The following DAB1 variants were observed in gnomAD, a reference collection of about 807,000 sequenced individuals.
The protein encoded by DAB1 is disabled homolog 1.
DAB1 carries 15 observed loss-of-function variants against 64.6 expected under a neutral mutation model. The ratio of observed to expected loss-of-function variants is 0.23; its 90% confidence interval spans 0.16 to 0.36. The LOEUF (loss-of-function observed/expected upper bound fraction) is 0.36. Among genes scored for constraint, DAB1 ranks in the 10% least tolerant of loss-of-function variants. DAB1 has a pLI of 1.00. For synonymous variants in DAB1, 235 were observed against 251.9 expected (o/e 0.93, Z 0.64); for missense variants, 596 against 706.7 (o/e 0.84, Z 1.78).
chr1:57,937,998 T>C (rs1051073271), intron 5 of DAB1, among the ~76,000 whole-genome samples: 2 of 152,214 alleles, frequency 1.3e-5, no homozygotes, highest in African/African-American at 2.4e-5. Context: ...GATGCCCTCA[T>C]AGTGAGGCCA....
chr1:58,338,631 A>G (rs918426096), intron 4 of DAB1, among the ~76,000 whole-genome samples: 1 of 152,186 alleles, frequency 6.6e-6, no homozygotes, highest in Non-Finnish European at 1.5e-5. Context: ...TTGCCCTTGT[A>G]GAGTTCATGG....
At chr1:58,118,238 T>G (rs1322382155) in intron 5 of DAB1, among the ~76,000 whole-genome samples, 1 of 150,936 alleles carries the variant, frequency 6.6e-6, no homozygotes, top group Non-Finnish European at 1.5e-5. Context: ...TCTAGGTCAG[T>G]GTTCTCAGAC....
At chr1:57,476,623 C>T (rs1184593161) in intron 7 of DAB1, among the ~76,000 whole-genome samples, 1 of 152,176 alleles carries the variant, frequency 6.6e-6, no homozygotes, top group Non-Finnish European at 1.5e-5. Flanking sequence ...CAGCGTGCTG[C>T]ACATATAAGT....
At chr1:57,217,135 C>T (rs1449180831) in intron 2 of DAB1, among the ~76,000 whole-genome samples, 1 of 152,156 alleles carries the variant, frequency 6.6e-6, no homozygotes. Flanking sequence ...AAAGAACTGC[C>T]TAAGAAAATA....
chr1:57,194,072 C>A (rs1664408202), intron 2 of DAB1, among the ~76,000 whole-genome samples: 1 of 152,228 alleles, frequency 6.6e-6, no homozygotes, highest in Non-Finnish European at 1.5e-5. Context: ...TATCTGGGAA[C>A]AAGAGCAGGG....
intron 1 of DAB1, among the ~76,000 whole-genome samples, chr1:58,538,524 A>T (rs1190021623): frequency 6.6e-6 from 1 of 152,186 alleles, no homozygotes; most frequent in Non-Finnish European, 1.5e-5. Flanking sequence ...AAATGTAAGA[A>T]TAACTTTTTA....
chr1:57,159,351 C>T (rs1356473352), intron 2 of DAB1, among the ~76,000 whole-genome samples: 1 of 152,162 alleles, frequency 6.6e-6, no homozygotes. Context: ...TTTCTAGTTT[C>T]TCTGAGGAAA....
At chr1:58,435,798 C>T (rs1283411519) in intron 3 of DAB1, among the ~76,000 whole-genome samples, 1 of 152,218 alleles carries the variant, frequency 6.6e-6, no homozygotes, top group African/African-American at 2.4e-5. Context: ...AGGCTTAACT[C>T]AGTTAAACTG....
intron 7 of DAB1, among the ~76,000 whole-genome samples, chr1:57,578,262 G>A (rs932131614): frequency 3.9e-5 from 6 of 152,156 alleles, no homozygotes; most frequent in Admixed American, 2.0e-4. Flanking sequence ...CTGGTACCAG[G>A]CTTCTTTGGC....
intron 1 of DAB1, among the ~76,000 whole-genome samples, chr1:57,390,391 T>C (rs1682249252): frequency 6.6e-6 from 1 of 152,226 alleles, no homozygotes; most frequent in Non-Finnish European, 1.5e-5. Context: ...AGATAATGTC[T>C]ACGAAAATAT....
chr1:58,118,550 C>CATATATATAAAATACATATATATACACAT (rs1652519718), intron 5 of DAB1, among the ~76,000 whole-genome samples: 1 of 80,384 alleles, frequency 1.2e-5, no homozygotes, highest in African/African-American at 5.6e-5. Flanking sequence ...CATATATATA[C>CATATATATAAAATACATATATATACACAT]ATATATATAA....
intron 1 of DAB1, among the ~76,000 whole-genome samples, chr1:57,312,561 T>G (rs1570246948): frequency 6.6e-6 from 1 of 152,340 alleles, no homozygotes; most frequent in Middle Eastern, 3.4e-3. Flanking sequence ...AAGTGTCACA[T>G]CATAAGTGAA....
At chr1:57,121,717 T>C (rs1181180254) in intron 4 of DAB1, among the ~76,000 whole-genome samples, 1 of 152,054 alleles carries the variant, frequency 6.6e-6, no homozygotes, top group Non-Finnish European at 1.5e-5. Flanking sequence ...CTTTAATCCA[T>C]CTTGAGTTAA....
chr1:57,145,728 G>A (rs558192538), intron 2 of DAB1, among the ~76,000 whole-genome samples: 35 of 152,200 alleles, frequency 2.3e-4, no homozygotes, highest in Non-Finnish European at 4.7e-4. Context: ...TATGTGTGAA[G>A]CATCTAATTC....
intron 5 of DAB1, among the ~76,000 whole-genome samples, chr1:58,052,218 T>A (rs1190665265): frequency 6.6e-6 from 1 of 152,246 alleles, no homozygotes; most frequent in Non-Finnish European, 1.5e-5. Context: ...AATTAATTTT[T>A]GTATAAGAGG....
chr1:57,732,781 G>A lies in DAB1; in HGVS notation n.552-83116C>T, dbSNP rs146127932. On this transcript the variant is annotated intron_variant and non_coding_transcript_variant, in intron 6 of 20. Transcript: ENST00000485760. ...CTCCCTCATGGTGCGTCGAACAGGA[G>A]AGAGGAGAGACTGGTCCTGGGTCAA... 2.3e-3 allele frequency among the ~76,000 whole-genome samples: 343 copies of A among 152,306 alleles called. 3 individuals are homozygous for A. Among genetic ancestry groups the A allele is most frequent in the African/African-American group, 8.0e-3 (331 of 41,580 alleles).
intron 2 of DAB1, among the ~76,000 whole-genome samples, chr1:57,170,099 C>T (rs1013649947): frequency 1.3e-5 from 2 of 151,646 alleles, no homozygotes; most frequent in Non-Finnish European, 2.9e-5. Context: ...CAGGTTCAAG[C>T]GATTCTCCTG....
intron 4 of DAB1, among the ~76,000 whole-genome samples, chr1:57,122,027 A>G (rs918120785): frequency 1.3e-5 from 2 of 152,088 alleles, no homozygotes; most frequent in Non-Finnish European, 2.9e-5. Context: ...GTGTCTCTGT[A>G]TTATATCTCT....
At chr1:58,149,034 T>C (rs1340170975) in intron 5 of DAB1, among the ~76,000 whole-genome samples, 1 of 152,222 alleles carries the variant, frequency 6.6e-6, no homozygotes, top group African/African-American at 2.4e-5. Flanking sequence ...TTAAATATCA[T>C]GTCCACAAAC....
Sources: gnomAD v4.1 joint callset for allele counts (sites outside exome capture counted in the v4.1 genomes callset) on GRCh38, gnomAD v4.1.1 for gene constraint, MANE v1.5 for transcripts, NCBI Gene and HGNC (gene_info 2026-07-23, HGNC 2026-07-21) for gene names.